ARK2C: variants seen among roughly 807,000 people sequenced by gnomAD.
ARK2C encodes arkadia (RNF111) C-terminal like ring finger ubiquitin ligase 2C.
the ARK2C span, among the ~76,000 whole-genome samples, chr18:46,381,505 A>G: frequency 6.6e-6 from 1 of 152,068 alleles, no homozygotes; most frequent in Non-Finnish European, 1.5e-5. Flanking sequence ...TTCTATTTCC[A>G]GAGAAGCCTC....
chr18:46,456,801 G>C, the ARK2C span: 3 of 618,042 alleles, frequency 4.9e-6, no homozygotes, highest in Admixed American at 5.0e-5. Context: ...AGGGAGAGGA[G>C]GGGGTTGGGG....
chr18:46,438,063 A>G, the ARK2C span, among the ~76,000 whole-genome samples: 1 of 152,242 alleles, frequency 6.6e-6, no homozygotes, highest in Non-Finnish European at 1.5e-5. Flanking sequence ...AGACCACACC[A>G]TGTTCAAGAA....
chr18:46,378,210 G>A, the ARK2C span, among the ~76,000 whole-genome samples: 87,540 of 152,022 alleles, frequency 0.58, 25,795 homozygotes, highest in Middle Eastern at 0.68. Flanking sequence ...GTTTGAGGTC[G>A]TGGTGTCCAA....
the ARK2C span, among the ~76,000 whole-genome samples, chr18:46,383,453 C>T: frequency 6.6e-6 from 1 of 151,198 alleles, no homozygotes; most frequent in Non-Finnish European, 1.5e-5. Context: ...AAATTAGACA[C>T]AAGACTAGTT....
At chr18:46,355,386 A>G in the ARK2C span, among the ~76,000 whole-genome samples, 1 of 152,114 alleles carries the variant, frequency 6.6e-6, no homozygotes, top group Non-Finnish European at 1.5e-5. Flanking sequence ...CGGGCTCCTC[A>G]CTGGTTCTAT....
chr18:46,346,724 T>A, the ARK2C span, among the ~76,000 whole-genome samples: 1 of 152,310 alleles, frequency 6.6e-6, no homozygotes, highest in Non-Finnish European at 1.5e-5. Context: ...GGGAAGTGTT[T>A]AGAAAAGATG....
the ARK2C span, among the ~76,000 whole-genome samples, chr18:46,352,871 T>C: frequency 6.6e-6 from 1 of 152,238 alleles, no homozygotes; most frequent in African/African-American, 2.4e-5. Context: ...ACTCAGTTGG[T>C]CATCTCTGCC....
chr18:46,382,990 A>C, the ARK2C span, among the ~76,000 whole-genome samples: 1 of 151,578 alleles, frequency 6.6e-6, no homozygotes, highest in Non-Finnish European at 1.5e-5. Flanking sequence ...CACTCCCCCC[A>C]CCCCCTGGGT....
the ARK2C span, chr18:46,447,610 G>T: frequency 6.2e-7 from 1 of 1,613,966 alleles, no homozygotes; most frequent in Non-Finnish European, 8.5e-7. Context: ...TTCCAGGTGC[G>T]GCCCATCCCT....
At chr18:46,341,856 CT>C in the ARK2C span, among the ~76,000 whole-genome samples, 1 of 152,152 alleles carries the variant, frequency 6.6e-6, no homozygotes, top group Non-Finnish European at 1.5e-5. Context: ...CAAACTTTGT[CT>C]TTCTTGAAAA....
At chr18:46,365,828 T>G in the ARK2C span, among the ~76,000 whole-genome samples, 12 of 152,226 alleles carry the variant, frequency 7.9e-5, no homozygotes, top group East Asian at 2.3e-3. Flanking sequence ...GCTCCAGCTT[T>G]GTGGCTAGAT....
chr18:46,336,522 G>C, the ARK2C span: 1 of 985,448 alleles, frequency 1.0e-6, no homozygotes, highest in Non-Finnish European at 1.2e-6. Flanking sequence ...AAGAGTTCAT[G>C]ACCTTCCGAT....
the ARK2C span, among the ~76,000 whole-genome samples, chr18:46,387,628 A>G: frequency 4.6e-5 from 7 of 152,274 alleles, no homozygotes; most frequent in African/African-American, 1.7e-4. Flanking sequence ...GAAGAAGTCC[A>G]GAGCTGGGCA....
chr18:46,342,225 G>T, the ARK2C span, among the ~76,000 whole-genome samples: 2 of 152,316 alleles, frequency 1.3e-5, no homozygotes, highest in South Asian at 4.1e-4. Context: ...GCCAGAAGGG[G>T]AACCTAGGTG....
chr18:46,345,541 C>T, the ARK2C span, among the ~76,000 whole-genome samples: 4 of 152,328 alleles, frequency 2.6e-5, no homozygotes, highest in Admixed American at 6.5e-5. Flanking sequence ...TGCACAGGTG[C>T]ACCTGGGGAG....
chr18:46,348,212 G>T, the ARK2C span, among the ~76,000 whole-genome samples: 1 of 126,628 alleles, frequency 7.9e-6, no homozygotes, highest in African/African-American at 3.0e-5. Flanking sequence ...GGGTGAGGGC[G>T]TTGTGGGCCA....
the ARK2C span, among the ~76,000 whole-genome samples, chr18:46,444,582 A>G: frequency 6.6e-6 from 1 of 152,012 alleles, no homozygotes; most frequent in Non-Finnish European, 1.5e-5. Context: ...CTTCAACCTC[A>G]GCCTCCTGAG....
the ARK2C span, among the ~76,000 whole-genome samples, chr18:46,434,212 G>A: frequency 2.0e-5 from 3 of 152,138 alleles, no homozygotes; most frequent in Admixed American, 1.3e-4. Flanking sequence ...TTTGGTCTCA[G>A]GACTCTTTTC....
the ARK2C span, among the ~76,000 whole-genome samples, chr18:46,401,791 CCTT>C: frequency 5.1e-4 from 78 of 152,204 alleles, 1 homozygote; most frequent in Non-Finnish European, 1.5e-4. Context: ...GAGAGGATCT[CCTT>C]CTATGGTTTC....
Sources: allele counts gnomAD v4.1 joint callset (sites outside exome capture counted in the v4.1 genomes callset), GRCh38; gene constraint gnomAD v4.1.1; transcripts MANE v1.5; gene names NCBI Gene and HGNC (gene_info 2026-07-23, HGNC 2026-07-21).